Variants in SORCS2 observed in about 807,000 individuals in gnomAD.
The protein encoded by SORCS2 is sortilin related VPS10 domain containing receptor 2, also known as VPS10 domain-containing receptor SorCS2.
A neutral mutation model predicts 141.6 loss-of-function variants in SORCS2; 100 were observed. The ratio of observed to expected loss-of-function variants is 0.71; its 90% CI spans 0.60 to 0.83. The LOEUF (loss-of-function observed/expected upper bound fraction) is 0.83, where lower values mean the gene tolerates loss of function less well. Among genes scored for constraint, SORCS2 ranks in the 40% least tolerant of loss-of-function variants. The pLI is 0.00. For missense variants in SORCS2, 1,646 were observed against 1,560.2 expected (o/e 1.05, Z -0.93); for synonymous variants, 789 against 676.9 (o/e 1.17, Z -2.57).
intron 2 of SORCS2, among the ~76,000 whole-genome samples, chr4:7,463,019 C>T (rs1051475612): frequency 5.3e-5 from 8 of 151,986 alleles, no homozygotes; most frequent in Non-Finnish European, 1.2e-4. Flanking sequence ...GCCACCGTAT[C>T]TCAGCTCCCA....
At chr4:7,506,020 C>T (rs1436382019) in intron 2 of SORCS2, among the ~76,000 whole-genome samples, 1 of 152,136 alleles carries the variant, frequency 6.6e-6, no homozygotes, top group Non-Finnish European at 1.5e-5. Flanking sequence ...CATAGCCGTG[C>T]AGTAGCCTAG....
chr4:7,495,869 C>G (rs553068984), intron 2 of SORCS2, among the ~76,000 whole-genome samples: 2 of 152,218 alleles, frequency 1.3e-5, no homozygotes, highest in Non-Finnish European at 2.9e-5. Context: ...CAGGGAGGAG[C>G]TGAGGCCCAG....
chr4:7,639,795 G>A (rs111203706), intron 4 of SORCS2, among the ~76,000 whole-genome samples: 2,149 of 151,900 alleles, frequency 0.014, 35 homozygotes, highest in African/African-American at 0.05. Context: ...GGGTATGTAT[G>A]GGTGAGGTTG....
In SORCS2 at chr4:7,682,936, A is replaced by ACG. The variant is rs770239356; in HGVS notation, c.1488+47_1488+48insCG. ...ACACACCATCCTTGGCGTGGATGCT[A>ACG]GATATAACTTCAGTAATCAAGAAGG... On this transcript the variant is annotated intron_variant, in intron 10 of 26. Coordinates refer to ENST00000507866, the MANE Select transcript of SORCS2 (RefSeq NM_020777.3). The ACG allele has an allele frequency of 6.9e-6, 11 of 1,585,412 alleles. No homozygotes were observed. The South Asian group carries it at 7.0e-5, about 10-fold the overall frequency.
At chr4:7,252,082 G>A (rs1471478657) in intron 1 of SORCS2, among the ~76,000 whole-genome samples, 1 of 152,168 alleles carries the variant, frequency 6.6e-6, no homozygotes, top group Non-Finnish European at 1.5e-5. Context: ...TCAACTCCCT[G>A]ACCCCTGCAG....
At chr4:7,374,142 T>TCTTC (rs1359695763) in intron 1 of SORCS2, among the ~76,000 whole-genome samples, 2 of 138,504 alleles carry the variant, frequency 1.4e-5, no homozygotes, top group Admixed American at 7.3e-5. Flanking sequence ...TTTCTTTCTT[T>TCTTC]CTTTCTTTCT....
chr4:7,357,514 G>A (rs549683397), intron 1 of SORCS2, among the ~76,000 whole-genome samples: 8 of 152,330 alleles, frequency 5.3e-5, no homozygotes, highest in Middle Eastern at 3.4e-3. Flanking sequence ...TTCCGGAGGC[G>A]TTGATTACGC....
Position 7,728,453 on chromosome 4 carries a change from G to A in SORCS2, c.2973G>A (p.Leu991=), listed in dbSNP as rs1485543944. 6 of 1,610,914 alleles carry A rather than the reference G, an allele frequency of 3.7e-6. No homozygotes were observed. The highest frequency in any genetic ancestry group is 1.1e-5 in the South Asian group (1 of 90,448). ...ACGTGGGCCTGGTGGTCACCCGGCT[G>A]CTCTCCAAGGTGTCCACCCAGAGCC... ...REDVGLVVTR[L]LSKETSVPQE... The change falls in exon 22 of 27, where the codon CTG becomes CTA. Residue 991 remains leucine (L), a synonymous_variant. Coordinates refer to ENST00000507866, the MANE Select transcript of SORCS2 (RefSeq NM_020777.3).
intron 5 of SORCS2, among the ~76,000 whole-genome samples, chr4:7,656,237 C>T (rs998141668): frequency 2.0e-5 from 3 of 152,236 alleles, no homozygotes; most frequent in South Asian, 4.1e-4. Context: ...GGCCTGCAAG[C>T]GAGAGGGAGC....
rs1463173375 is a variant in SORCS2, at chr4:7,193,561, C to CG, written c.480+435_480+436insG. On this transcript the variant is annotated intron_variant, in intron 1 of 26. Coordinates refer to ENST00000507866, the MANE Select transcript of SORCS2 (RefSeq NM_020777.3). This position sits in a 1 kb window ranked among gnomAD's most constrained non-coding sequence, Gnocchi z 4.8. ...GCTCCGGGATCCTTCCCTCCCTGGT[C>CG]TACCAGGGACTCCGCGGTGGCGCCT... 1.3e-5 allele frequency among the ~76,000 whole-genome samples: 2 copies of CG among 152,198 alleles called. No homozygotes were observed. Among genetic ancestry groups the CG allele is most frequent in the Non-Finnish European group, 2.9e-5 (2 of 68,036 alleles).
chr4:7,270,277 C>G (rs149844134), intron 1 of SORCS2, among the ~76,000 whole-genome samples: 1,770 of 152,368 alleles, frequency 0.012, 23 homozygotes, highest in Non-Finnish European at 0.014. Context: ...GCTGACAGCA[C>G]GCGTGTGGGT....
rs538349829 is a variant in SORCS2 at position 7,669,416 on chromosome 4, A to G, written c.1161+2203A>G. On this transcript the variant is annotated intron_variant, in intron 8 of 26. Coordinates refer to ENST00000507866, the MANE Select transcript of SORCS2 (RefSeq NM_020777.3). ...AGGAGAATGGGGCCCCCAGAGCCCT[A>G]CGGGGTCTTCAATACCACATCTCAT... 1.2e-4 allele frequency among the ~76,000 whole-genome samples: 18 copies of G among 152,210 alleles called. 2 individuals are homozygous for G. The South Asian group carries it at 3.7e-3, about 32-fold the overall frequency.
chr4:7,343,376 G>C (rs984439542), intron 1 of SORCS2, among the ~76,000 whole-genome samples: 10 of 152,250 alleles, frequency 6.6e-5, no homozygotes, highest in Non-Finnish European at 4.4e-5. Context: ...GGGCAAAGCC[G>C]ATGACATGTC....
intron 2 of SORCS2, among the ~76,000 whole-genome samples, chr4:7,426,211 G>A (rs189539033): frequency 7.9e-5 from 12 of 152,338 alleles, no homozygotes; most frequent in African/African-American, 2.2e-4. Context: ...TTTACCTTGT[G>A]GGGGGAAGCC....
chr4:7,574,594 A>C (rs1715624228), intron 3 of SORCS2, among the ~76,000 whole-genome samples: 1 of 151,296 alleles, frequency 6.6e-6, no homozygotes, highest in South Asian at 2.1e-4. Flanking sequence ...GGAGGGAGAG[A>C]GGCAGGGAGG....
At chr4:7,422,371 G>A (rs1336321828) in intron 2 of SORCS2, among the ~76,000 whole-genome samples, 3 of 152,294 alleles carry the variant, frequency 2.0e-5, no homozygotes, top group South Asian at 4.1e-4. Context: ...TGCCCTGCCC[G>A]CTTCTACAGC....
chr4:7,571,356 A>G (rs1193920409), intron 3 of SORCS2, among the ~76,000 whole-genome samples: 1 of 152,170 alleles, frequency 6.6e-6, no homozygotes, highest in Non-Finnish European at 1.5e-5. Flanking sequence ...GGTGGTGGGT[A>G]TGACAAGGGC....
intron 3 of SORCS2, among the ~76,000 whole-genome samples, chr4:7,560,138 C>G (rs1014494390): frequency 2.0e-5 from 3 of 152,340 alleles, no homozygotes; most frequent in African/African-American, 7.2e-5. Flanking sequence ...GGCTGCCAAG[C>G]CCACGGAAAT....
Position 7,286,831 on chromosome 4 carries a change from T to C in SORCS2, c.480+93705T>C, listed in dbSNP as rs1716258420. 6.6e-6 allele frequency among the ~76,000 whole-genome samples: 1 copy of C among 152,138 alleles called. No homozygotes were observed. Among genetic ancestry groups the C allele is most frequent in the Non-Finnish European group, 1.5e-5 (1 of 68,024 alleles). On this transcript the variant is annotated intron_variant, in intron 1 of 26. Coordinates refer to ENST00000507866, the MANE Select transcript of SORCS2 (RefSeq NM_020777.3). The surrounding 1 kb of genome is among the most constrained non-coding windows in gnomAD (Gnocchi z 4.1). ...AGACCGTGGAACCTGGGTGCTGCTT[T>C]TCAGGGTACAGGAGCTATGGAAGGT...
Sources: allele counts gnomAD v4.1 joint callset (sites outside exome capture counted in the v4.1 genomes callset), GRCh38; gene constraint gnomAD v4.1.1; non-coding constraint Gnocchi (gnomAD v3.1); transcripts MANE v1.5; gene names NCBI Gene and HGNC (gene_info 2026-07-23, HGNC 2026-07-21).